Variants in TRPC5 observed in about 807,000 individuals in gnomAD.
TRPC5 encodes transient receptor potential cation channel subfamily C member 5, also known as short transient receptor potential channel 5.
Under a neutral mutation model 56.5 loss-of-function variants are expected in TRPC5, and 9 were observed. That is an observed-to-expected ratio of 0.16 (90% CI 0.10 to 0.28). TRPC5 has a LOEUF of 0.28. Among genes scored for constraint, TRPC5 ranks in the 10% least tolerant of loss-of-function variants. The probability of loss-of-function intolerance (pLI) is 1.00; values close to 1 mark genes in which losing one functional copy is unlikely to be tolerated. For synonymous variants in TRPC5, 282 were observed against 278.5 expected (o/e 1.01, Z -0.13); for missense variants, 469 against 748.9 (o/e 0.63, Z 4.36).
At chrX:111,906,362 A>AC (rs1164454210) in intron 3 of TRPC5, among the ~76,000 whole-genome samples, 4 of 107,852 alleles carry the variant, frequency 3.7e-5, no homozygotes, top group Non-Finnish European at 7.8e-5. Context: ...TTAAAAAAAC[A>AC]AAAAACAAAA....
At chrX:111,966,350 C>G (rs1363588343) in intron 1 of TRPC5, among the ~76,000 whole-genome samples, 1 of 111,234 alleles carries the variant, frequency 9.0e-6, no homozygotes, top group African/African-American at 3.3e-5. Context: ...GCTTACCAAC[C>G]AAAAAGAGTC....
intron 2 of TRPC5, among the ~76,000 whole-genome samples, chrX:111,936,572 C>T (rs1296808220): frequency 9.4e-6 from 1 of 106,691 alleles, no homozygotes. Flanking sequence ...TCAATTCCCA[C>T]CTATGAGTGA....
In TRPC5 at chrX:112,036,408, A is replaced by G. The variant is rs776815269; in HGVS notation, c.-22+45471T>C. 1.1e-3 allele frequency among the ~76,000 whole-genome samples: 118 copies of G among 111,817 alleles called. 3 individuals are homozygous for G. Among genetic ancestry groups the G allele is most frequent in the Non-Finnish European group, 2.4e-4 (13 of 53,265 alleles). On this transcript the variant is annotated intron_variant, in intron 1 of 10. Transcript: ENST00000262839. ...TCAGCCCTTTGGGGAGCCCATACAT[A>G]GATTAGAACAGACAAACACAATAAT... is the stretch of plus-strand genomic sequence containing the variant.
At chrX:111,881,860 G>A (rs1924239014) in intron 3 of TRPC5, 1 of 111,007 alleles carries the variant, frequency 9.0e-6, no homozygotes, top group East Asian at 2.8e-4. Flanking sequence ...TTGATTGGCC[G>A]AGATAGAAAT....
chrX:111,890,329 C>T lies in TRPC5; in HGVS notation c.900+21962G>A, dbSNP rs1159638286. Among the ~76,000 whole-genome samples, 3 of 111,697 alleles carry T rather than the reference C, an allele frequency of 2.7e-5. No individual in the cohort carries two copies. In the East Asian group the frequency reaches 8.4e-4, roughly 31 times the overall value. ...TTAAAATGTTATTAGATTTTTTTCA[C>T]AGTTTTCTTTAGCTCATCAGCTGTC... is the stretch of plus-strand genomic sequence containing the variant. On this transcript the variant is annotated intron_variant, in intron 3 of 10. Transcript: ENST00000262839.
chrX:111,779,096 A>G, intron 9 of TRPC5, 22 bp from the exon 10 acceptor site: 1 of 1,097,336 alleles, frequency 9.1e-7, no homozygotes, highest in Non-Finnish European at 1.3e-6. Flanking sequence ...AAACATGAAG[A>G]AGCATTCAGT....
rs1279009289 is a variant in TRPC5 at position 111,874,385 on chromosome X, C to T, written c.901-20279G>A. Among the ~76,000 whole-genome samples the T allele has an allele frequency of 5.3e-5, 6 of 112,459 alleles. No homozygotes were observed. The East Asian group carries it at 1.7e-3, about 31-fold the overall frequency. On this transcript the variant is annotated intron_variant, in intron 3 of 10. Transcript: ENST00000262839. ...GTAGCTGAAGGGAGAATCAAATTAG[C>T]TGGAATCCCGAGAGAGTAATTATTT...
chrX:111,883,873 G>A (rs1924348781), intron 3 of TRPC5, among the ~76,000 whole-genome samples: 1 of 112,853 alleles, frequency 8.9e-6, no homozygotes, highest in Non-Finnish European at 1.9e-5. Context: ...TCAGAACTTA[G>A]TTAAGACTTG....
At chrX:112,027,184 A>G (rs1929435640) in intron 1 of TRPC5, among the ~76,000 whole-genome samples, 1 of 112,042 alleles carries the variant, frequency 8.9e-6, no homozygotes, top group Admixed American at 9.5e-5. Context: ...CTATAGGGTG[A>G]AGATAATTCA....
intron 10 of TRPC5, among the ~76,000 whole-genome samples, chrX:111,778,397 T>A (rs925299259): frequency 1.8e-5 from 2 of 111,626 alleles, no homozygotes; most frequent in Admixed American, 1.9e-4. Context: ...TGTGGGAGAC[T>A]GTACTATTCA....
At chrX:111,858,685 C>T (rs768752682) in intron 3 of TRPC5, among the ~76,000 whole-genome samples, 1 of 110,994 alleles carries the variant, frequency 9.0e-6, no homozygotes, top group South Asian at 3.9e-4. Flanking sequence ...CTTAGTGTAC[C>T]TGAAGGGAAA....
At chrX:112,001,048 C>T (rs1269595965) in intron 1 of TRPC5, among the ~76,000 whole-genome samples, 1 of 112,325 alleles carries the variant, frequency 8.9e-6, no homozygotes, top group Non-Finnish European at 1.9e-5. Context: ...TCTTTCTGTG[C>T]CCAGGCTACC....
chrX:111,984,120 C>T, intron 1 of TRPC5, among the ~76,000 whole-genome samples: 1 of 111,414 alleles, frequency 9.0e-6, no homozygotes, highest in Non-Finnish European at 1.9e-5. Context: ...TACTAAGGCC[C>T]AGTAGCGGGC....
chrX:111,787,989 G>C (rs754492680), intron 7 of TRPC5, among the ~76,000 whole-genome samples: 1 of 112,098 alleles, frequency 8.9e-6, no homozygotes, highest in African/African-American at 3.2e-5. Context: ...GAGGTACAAA[G>C]AGGAGCTGGT....
chrX:111,916,546 T>C (rs1261475547), intron 2 of TRPC5, among the ~76,000 whole-genome samples: 1 of 112,085 alleles, frequency 8.9e-6, no homozygotes, highest in Non-Finnish European at 1.9e-5. Flanking sequence ...TAGAAGATTC[T>C]GATAATAATC....
At chrX:111,882,151 C>T (rs1404801615) in intron 3 of TRPC5, 1 of 112,005 alleles carries the variant, frequency 8.9e-6, no homozygotes, top group East Asian at 2.8e-4. Flanking sequence ...TACAAAATGT[C>T]AGTGTCCTGG....
chrX:111,835,322 T>G (rs1236999604), intron 6 of TRPC5, among the ~76,000 whole-genome samples: 1 of 112,374 alleles, frequency 8.9e-6, no homozygotes. Flanking sequence ...GTCTTATGCT[T>G]TGCTTTTCTA....
chrX:111,934,942 A>C (rs1926523906), intron 2 of TRPC5, among the ~76,000 whole-genome samples: 1 of 112,412 alleles, frequency 8.9e-6, no homozygotes, highest in Admixed American at 9.4e-5. Flanking sequence ...GGAAGTGAAG[A>C]TATTTCTTCA....
intron 10 of TRPC5, among the ~76,000 whole-genome samples, chrX:111,777,386 C>A (rs772428624): frequency 9.0e-6 from 1 of 110,725 alleles, no homozygotes; most frequent in Admixed American, 9.7e-5. Flanking sequence ...AAGACTCTAA[C>A]GAGTGAAACT....
Sources: allele counts gnomAD v4.1 joint callset (sites outside exome capture counted in the v4.1 genomes callset), GRCh38; gene constraint gnomAD v4.1.1; transcripts MANE v1.5; gene names NCBI Gene and HGNC (gene_info 2026-07-23, HGNC 2026-07-21).